ZNF451: variants seen among roughly 807,000 people sequenced by gnomAD.
ZNF451 encodes zinc finger protein 451, also known as E3 SUMO-protein ligase ZNF451.
Under a neutral mutation model 107.1 loss-of-function variants are expected in ZNF451, and 80 were observed. The ratio of observed to expected loss-of-function variants is 0.75; its 90% confidence interval spans 0.62 to 0.90. ZNF451 has a LOEUF of 0.90. ZNF451 is among the 40% of genes least tolerant of loss of function. ZNF451 has a pLI of 0.00. For missense variants in ZNF451, 1,107 were observed against 1,236.2 expected (o/e 0.90, Z 1.57); for synonymous variants, 362 against 406.5 (o/e 0.89, Z 1.32).
chr6:57,123,138 A>G (rs1280243605), intron 3 of ZNF451, among the ~76,000 whole-genome samples: 1 of 152,336 alleles, frequency 6.6e-6, no homozygotes, highest in African/African-American at 2.4e-5. Flanking sequence ...ACAGCACTCC[A>G]GGCTGAGTGG....
chr6:57,137,208 C>G (rs1831474780), intron 7 of ZNF451, among the ~76,000 whole-genome samples: 1 of 152,174 alleles, frequency 6.6e-6, no homozygotes, highest in African/African-American at 2.4e-5. Context: ...TCTTTTAAAT[C>G]AACAAGAAGA....
Position 57,148,405 on chromosome 6 carries a change from C to T in ZNF451, c.2320C>T (p.Gln774Ter). 2 of 1,613,840 alleles carry T rather than the reference C, an allele frequency of 1.2e-6. No individual in the cohort carries two copies. Among genetic ancestry groups the T allele is most frequent in the East Asian group, 2.2e-5 (1 of 44,848 alleles). Reference sequence around the variant, plus strand: ...AACCGACATGAACACTCATATCCATCAAGTGCACAAAGAAAAGAGTGATGA... The same window carrying T: ...AACCGACATGAACACTCATATCCATTAAGTGCACAAAGAAAAGAGTGATGA... ...NLTDMNTHIH[Q>*]VHKEKSDEEE... Residue 774 changes from glutamine (Q) to a stop codon, truncating the protein, a stop_gained, in exon 10 of 15, where the codon CAA (glutamine) becomes TAA (stop). Transcript: ENST00000370706. LOFTEE classifies it high-confidence loss of function.
chr6:57,106,914 T>C (rs1829889172), intron 3 of ZNF451: 1 of 939,524 alleles, frequency 1.1e-6, no homozygotes, highest in East Asian at 1.2e-4. Flanking sequence ...TTTTTCCAGA[T>C]ATATTGAGTT....
chr6:57,101,175 C>T (rs960865558), intron 3 of ZNF451: 11 of 1,550,610 alleles, frequency 7.1e-6, no homozygotes, highest in South Asian at 1.2e-5. Flanking sequence ...CATCTGACCC[C>T]AGCCAATCTA....
At chr6:57,106,603 G>C (rs969418602) in intron 3 of ZNF451, 6 of 971,592 alleles carry the variant, frequency 6.2e-6, no homozygotes, top group Non-Finnish European at 7.3e-6. Flanking sequence ...ACCGCGCCTG[G>C]CTGTGAAATT....
At chr6:57,157,660 C>T (rs1226783672) in intron 13 of ZNF451, among the ~76,000 whole-genome samples, 16 of 152,034 alleles carry the variant, frequency 1.1e-4, no homozygotes, top group Admixed American at 1.0e-3. Flanking sequence ...GTCTTCTTAT[C>T]CTTCATCATT....
intron 12 of ZNF451, among the ~76,000 whole-genome samples, chr6:57,153,469 C>T (rs1389850678): frequency 2.7e-5 from 4 of 150,438 alleles, no homozygotes; most frequent in African/African-American, 4.9e-5. Flanking sequence ...AGTGCAGTGG[C>T]GCGATCTTGG....
At chr6:57,155,201 A>G (rs926332010) in intron 13 of ZNF451, among the ~76,000 whole-genome samples, 1 of 152,128 alleles carries the variant, frequency 6.6e-6, no homozygotes, top group Non-Finnish European at 1.5e-5. Context: ...AACAAAAAAA[A>G]CAGGCTGGGT....
intron 4 of ZNF451, among the ~76,000 whole-genome samples, chr6:57,127,970 T>G (rs1428230020): frequency 1.3e-5 from 2 of 152,172 alleles, no homozygotes; most frequent in Non-Finnish European, 2.9e-5. Flanking sequence ...ACATATTGTC[T>G]GTGGCTGCTC....
Position 57,141,537 on chromosome 6 carries a change from A to G in ZNF451, c.856+82A>G, listed in dbSNP as rs1831760337. 5.6e-6 allele frequency: 7 copies of G among 1,250,806 alleles called. No individual in the cohort carries two copies. The South Asian group carries it at 1.2e-4, about 22-fold the overall frequency. The allele number at this position is 1,250,806 out of a possible 1,614,324, so 77.5% of individuals were successfully genotyped here. ...TCATACTTCTCAGATCATTCTTGAG[A>G]TTACATATCCTCATCTTAGTTTTAG... On this transcript the variant is annotated intron_variant, in intron 8 of 14. Coordinates refer to ENST00000370706, the MANE Select transcript of ZNF451 (RefSeq NM_001031623.3).
At chr6:57,096,176 G>GTTTTTTTTTT (rs749589304) in intron 2 of ZNF451, among the ~76,000 whole-genome samples, 6 of 58,450 alleles carry the variant, frequency 1.0e-4, no homozygotes, top group Admixed American at 2.4e-4. Flanking sequence ...CTTTCTTTCT[G>GTTTTTTTTTT]TTTTTTTTTT....
chr6:57,100,244 A>G (rs1025376857), intron 3 of ZNF451, among the ~76,000 whole-genome samples: 1 of 152,142 alleles, frequency 6.6e-6, no homozygotes, highest in Non-Finnish European at 1.5e-5. Context: ...AGAACTTAAC[A>G]TATCTTGAAT....
At position 57,153,726 on chromosome 6, in the gene ZNF451, A is replaced by G. The variant is rs1021936643; in HGVS notation, c.2884-135A>G. ...CTGCACCCAGCTGAAGGAGATCTTTATGTCATACTTTGGTAGGGACTAGGG... is the reference window on the plus strand; with the variant it reads ...CTGCACCCAGCTGAAGGAGATCTTTGTGTCATACTTTGGTAGGGACTAGGG... On this transcript the variant is annotated intron_variant, in intron 12 of 14. Coordinates refer to ENST00000370706, the MANE Select transcript of ZNF451 (RefSeq NM_001031623.3). 1.9e-5 allele frequency: 16 copies of G among 822,552 alleles called. No individual in the cohort carries two copies. In the African/African-American group the frequency reaches 2.8e-4, roughly 14 times the overall value. 51.0% of individuals were successfully genotyped at this position (822,552 alleles called of 1,614,324 possible).
chr6:57,097,020 T>A (rs563882882), intron 2 of ZNF451, among the ~76,000 whole-genome samples: 32 of 152,122 alleles, frequency 2.1e-4, no homozygotes, highest in African/African-American at 7.2e-4. Flanking sequence ...TCTACCCACC[T>A]CTGCCTCCCA....
At chr6:57,155,161 TTTC>T (rs1437417115) in intron 13 of ZNF451, among the ~76,000 whole-genome samples, 2 of 152,154 alleles carry the variant, frequency 1.3e-5, no homozygotes, top group African/African-American at 2.4e-5. Context: ...TATCTGTGGC[TTTC>T]TTTTTTCTTA....
chr6:57,153,537 G>A lies in ZNF451; in HGVS notation c.2884-324G>A, dbSNP rs1393859408. On this transcript the variant is annotated intron_variant, in intron 12 of 14. Coordinates refer to ENST00000370706, the MANE Select transcript of ZNF451 (RefSeq NM_001031623.3). Reference sequence around the variant, plus strand: ...CTCCAGCCTCAGCCTGGAGAATCCCGAGTAGTTGGGATTACAAGCGCATGC... The same window carrying A: ...CTCCAGCCTCAGCCTGGAGAATCCCAAGTAGTTGGGATTACAAGCGCATGC... Among the ~76,000 whole-genome samples the A allele has an allele frequency of 4.6e-5, 7 of 151,548 alleles. No homozygotes were observed. In the East Asian group the frequency reaches 1.2e-3, roughly 25 times the overall value.
intron 13 of ZNF451, among the ~76,000 whole-genome samples, chr6:57,160,024 G>A (rs777627403): frequency 5.3e-5 from 8 of 152,072 alleles, no homozygotes; most frequent in Non-Finnish European, 1.0e-4. Context: ...TGTAGTTAAA[G>A]TGATAAGCAC....
chr6:57,151,530 T>C (rs548989136), intron 11 of ZNF451, among the ~76,000 whole-genome samples: 22 of 152,248 alleles, frequency 1.4e-4, no homozygotes, highest in South Asian at 2.1e-4. Context: ...AAGAAGCAGA[T>C]GTTTTGTTTT....
intron 13 of ZNF451, chr6:57,158,933 C>T: frequency 1.0e-6 from 1 of 985,420 alleles, no homozygotes; most frequent in Non-Finnish European, 1.2e-6. Context: ...ACATATAGAG[C>T]ATAAACATTC....
Sources: allele counts gnomAD v4.1 joint callset (sites outside exome capture counted in the v4.1 genomes callset), GRCh38; gene constraint gnomAD v4.1.1; transcripts MANE v1.5; gene names NCBI Gene and HGNC (gene_info 2026-07-23, HGNC 2026-07-21).